The following NALCN variants were observed in gnomAD, a reference collection of about 807,000 sequenced individuals.
NALCN encodes sodium leak channel NALCN.
NALCN carries 111 observed loss-of-function variants against 225.3 expected under a neutral mutation model. The observed-to-expected ratio is 0.49, with a 90% confidence interval of 0.42 to 0.58. The LOEUF is 0.58. Among genes scored for constraint, NALCN ranks in the 20% least tolerant of loss-of-function variants. NALCN has a pLI of 0.00. For missense variants in NALCN, 1,378 were observed against 2,202.4 expected (o/e 0.63, Z 7.49); for synonymous variants, 764 against 769.0 (o/e 0.99, Z 0.11).
At chr13:101,284,094 T>A in intron 9 of NALCN, 75 bp from the exon 10 acceptor site, 1 of 1,259,996 alleles carries the variant, frequency 7.9e-7, no homozygotes, top group Non-Finnish European at 1.1e-6. Flanking sequence ...TCCAGCTTTG[T>A]ATATTTTTAT....
chr13:101,073,484 A>G, intron 37 of NALCN, 100 bp downstream of exon 37: 2 of 905,170 alleles, frequency 2.2e-6, no homozygotes, highest in Non-Finnish European at 3.4e-6. Context: ...TTTCATACAT[A>G]AAGTCTTAAC....
At chr13:101,342,720 T>C (rs565520696) in intron 7 of NALCN, among the ~76,000 whole-genome samples, 4 of 152,334 alleles carry the variant, frequency 2.6e-5, no homozygotes, top group African/African-American at 9.6e-5. Context: ...CATTTCTGTT[T>C]CTCAATCTTC....
rs2045408861 is a variant in NALCN at position 101,337,283 on chromosome 13, T to TATTC, written c.799+7982_799+7983insGAAT. Among the ~76,000 whole-genome samples, 5 of 136,632 alleles carry TATTC rather than the reference T, an allele frequency of 3.7e-5. No homozygotes were observed. In the South Asian group the frequency reaches 1.1e-3, roughly 29 times the overall value. 89.6% of individuals were successfully genotyped at this position (136,632 alleles called of 152,430 possible). On this transcript the variant is annotated intron_variant, in intron 7 of 43. Transcript: ENST00000251127. ...TCCTTCACATTTACTCTTTATTATT[T>TATTC]ATTTATTTATTTATTTATTTATTTA...
At chr13:101,298,924 G>T (rs567687189) in intron 7 of NALCN, among the ~76,000 whole-genome samples, 3 of 152,342 alleles carry the variant, frequency 2.0e-5, no homozygotes, top group East Asian at 3.9e-4. Flanking sequence ...TTCAGCTTTT[G>T]CCCTGCAGTG....
chr13:101,415,545 A>C (rs2047918830), intron 1 of NALCN, among the ~76,000 whole-genome samples: 1 of 152,222 alleles, frequency 6.6e-6, no homozygotes, highest in Admixed American at 6.5e-5. Context: ...GAGGAACATT[A>C]AGTCAGCAAA....
At chr13:101,062,226 G>A in intron 40 of NALCN, 108 bp from the exon 41 acceptor site, 9 of 1,321,802 alleles carry the variant, frequency 6.8e-6, no homozygotes, top group Non-Finnish European at 9.3e-6. Context: ...TAAGTCTAGT[G>A]TTTTGACGCC....
chr13:101,261,882 T>C (rs891575981), intron 10 of NALCN, among the ~76,000 whole-genome samples: 13 of 152,206 alleles, frequency 8.5e-5, no homozygotes, highest in African/African-American at 3.1e-4. Flanking sequence ...CAGTACTATG[T>C]TGAATAACAG....
At chr13:101,171,833 C>T (rs1432138479) in intron 15 of NALCN, among the ~76,000 whole-genome samples, 1 of 152,178 alleles carries the variant, frequency 6.6e-6, no homozygotes, top group African/African-American at 2.4e-5. Context: ...AACTTCTTTC[C>T]TGCCAAAATG....
intron 10 of NALCN, among the ~76,000 whole-genome samples, chr13:101,280,102 A>C (rs997699516): frequency 9.2e-5 from 14 of 151,816 alleles, no homozygotes; most frequent in South Asian, 2.1e-4. Flanking sequence ...GAGACATAGA[A>C]ATGTATTCTC....
chr13:101,209,415 T>C (rs1018693170), intron 13 of NALCN, among the ~76,000 whole-genome samples: 3 of 152,216 alleles, frequency 2.0e-5, no homozygotes, highest in African/African-American at 7.2e-5. Context: ...TAGTCACGCT[T>C]GGTCCGGGAT....
intron 7 of NALCN, among the ~76,000 whole-genome samples, chr13:101,298,934 G>GCCTAGACC (rs1273982155): frequency 6.6e-6 from 1 of 152,210 alleles, no homozygotes; most frequent in Non-Finnish European, 1.5e-5. Context: ...GCCCTGCAGT[G>GCCTAGACC]CCTAGCACAG....
At chr13:101,085,914 C>T (rs2033907265) in intron 30 of NALCN, among the ~76,000 whole-genome samples, 1 of 152,076 alleles carries the variant, frequency 6.6e-6, no homozygotes, top group African/African-American at 2.4e-5. Flanking sequence ...GTCTCACCAC[C>T]CTCTGCACTA....
At chr13:101,201,020 C>A (rs993794083) in intron 13 of NALCN, among the ~76,000 whole-genome samples, 3 of 152,226 alleles carry the variant, frequency 2.0e-5, no homozygotes, top group Admixed American at 6.6e-5. Flanking sequence ...ATAGTACCAT[C>A]CCTTTGCTAT....
At chr13:101,416,697 A>C (rs1483812033), upstream of NALCN, among the ~76,000 whole-genome samples, 1 of 152,148 alleles carries the variant, frequency 6.6e-6, no homozygotes, top group Non-Finnish European at 1.5e-5. Flanking sequence ...CGGTACTGGC[A>C]GTTCCTTCTT....
chr13:101,398,685 G>A (rs1158052602), intron 2 of NALCN, among the ~76,000 whole-genome samples: 2 of 152,112 alleles, frequency 1.3e-5, no homozygotes, highest in Non-Finnish European at 2.9e-5. Flanking sequence ...AACAAGTAAA[G>A]GAGGTTCATT....
chr13:101,084,283 G>C (rs889873736), intron 30 of NALCN, among the ~76,000 whole-genome samples: 2 of 152,202 alleles, frequency 1.3e-5, no homozygotes, highest in African/African-American at 4.8e-5. Context: ...TGCATTTTAA[G>C]AAAGTAGTGC....
At chr13:101,139,615 T>C (rs1255871681) in intron 17 of NALCN, among the ~76,000 whole-genome samples, 1 of 149,410 alleles carries the variant, frequency 6.7e-6, no homozygotes, top group Non-Finnish European at 1.5e-5. Context: ...TTTTTTTTTT[T>C]CACGTAGAGT....
At chr13:101,301,159 A>G (rs2043949866) in intron 7 of NALCN, among the ~76,000 whole-genome samples, 1 of 152,220 alleles carries the variant, frequency 6.6e-6, no homozygotes, top group African/African-American at 2.4e-5. Flanking sequence ...TCACAAATGG[A>G]AAAGAAGTGT....
intron 14 of NALCN, among the ~76,000 whole-genome samples, chr13:101,182,599 T>A (rs1366621054): frequency 6.6e-6 from 1 of 152,078 alleles, no homozygotes; most frequent in East Asian, 1.9e-4. Flanking sequence ...GATGTATGTG[T>A]GTGGTAGGGG....
Sources: gnomAD v4.1 joint callset for allele counts (sites outside exome capture counted in the v4.1 genomes callset) on GRCh38, gnomAD v4.1.1 for gene constraint, MANE v1.5 for transcripts, NCBI Gene and HGNC (gene_info 2026-07-23, HGNC 2026-07-21) for gene names.